Variants in MOB3B observed in about 807,000 individuals in gnomAD.
MOB3B encodes MOB kinase activator-like 2B.
A neutral mutation model predicts 18.7 loss-of-function variants in MOB3B; 7 were observed. The observed-to-expected ratio is 0.37, with a 90% CI of 0.21 to 0.70. MOB3B has a LOEUF of 0.70. Among genes scored for constraint, MOB3B ranks in the 30% least tolerant of loss-of-function variants. The pLI is 0.52. For synonymous variants in MOB3B, 111 were observed against 99.9 expected (o/e 1.11, Z -0.66); for missense variants, 253 against 281.3 (o/e 0.90, Z 0.72).
chr9:27,483,125 CTTTTTTTTTTTTT>C (rs71492747), intron 1 of MOB3B, among the ~76,000 whole-genome samples: 1 of 68,544 alleles, frequency 1.5e-5, no homozygotes, highest in Non-Finnish European at 2.5e-5. Context: ...ATATACGGTA[CTTTTTTTTTTTTT>C]TTTTTTTTTT....
At position 27,417,332 on chromosome 9, in the gene MOB3B, C is replaced by G. The variant is rs189689340; in HGVS notation, c.418+37801G>C. 1.8e-3 allele frequency among the ~76,000 whole-genome samples: 274 copies of G among 152,290 alleles called. 1 individual carries two copies. Among genetic ancestry groups the G allele is most frequent in the African/African-American group, 6.3e-3 (262 of 41,558 alleles). On this transcript the variant is annotated intron_variant, in intron 2 of 3. Coordinates refer to ENST00000262244, the MANE Select transcript of MOB3B (RefSeq NM_024761.5). The stretch of plus-strand genomic sequence containing the variant: ...TGAGCCGAGATTGCGTCACTGTACT[C>G]CAGCTTGGGCGACAGAGCGAGACTC...
At chr9:27,355,629 G>A (rs1821179079) in intron 3 of MOB3B, among the ~76,000 whole-genome samples, 2 of 148,340 alleles carry the variant, frequency 1.3e-5, no homozygotes, top group African/African-American at 5.0e-5. Flanking sequence ...GCGTGATCTC[G>A]GCTCACTGCA....
Position 27,413,822 on chromosome 9 carries a change from G to C in MOB3B, c.418+41311C>G, listed in dbSNP as rs542440293. Among the ~76,000 whole-genome samples the C allele has an allele frequency of 6.6e-5, 10 of 152,336 alleles. No homozygotes were observed. The South Asian group carries it at 2.1e-3, about 32-fold the overall frequency. On this transcript the variant is annotated intron_variant, in intron 2 of 3. Transcript: ENST00000262244. The stretch of plus-strand genomic sequence containing the variant: ...AATCTCAGCACAACTGTGAGCCAGA[G>C]ACCTCTGCAAGAGAAGCAGATTTGG...
chr9:27,402,470 C>G (rs1430815913), intron 2 of MOB3B, among the ~76,000 whole-genome samples: 1 of 152,142 alleles, frequency 6.6e-6, no homozygotes, highest in Non-Finnish European at 1.5e-5. Flanking sequence ...CTGCCTACAT[C>G]TGGGGACAAT....
At chr9:27,378,486 A>G in intron 2 of MOB3B, 1 of 471,192 alleles carries the variant, frequency 2.1e-6, no homozygotes, top group Non-Finnish European at 4.4e-6. Context: ...CTCCTGGCGC[A>G]AGGGCAAAAG....
At chr9:27,363,538 G>A (rs1821304177) in intron 2 of MOB3B, among the ~76,000 whole-genome samples, 1 of 151,756 alleles carries the variant, frequency 6.6e-6, no homozygotes, top group African/African-American at 2.4e-5. Context: ...AAAGTGCTGG[G>A]ATTATAGGCG....
chr9:27,520,007 C>T (rs1435449909), intron 1 of MOB3B, among the ~76,000 whole-genome samples: 1 of 152,032 alleles, frequency 6.6e-6, no homozygotes, highest in African/African-American at 2.4e-5. Context: ...TTCCTGGGCT[C>T]TCTACTGGGC....
At chr9:27,378,866 C>T (rs1325835242) in intron 2 of MOB3B, 1 of 376,848 alleles carries the variant, frequency 2.7e-6, no homozygotes, top group African/African-American at 2.1e-5. Flanking sequence ...TTGCAAACCA[C>T]TTATCCAGGG....
At chr9:27,516,534 G>A (rs1200857827) in intron 1 of MOB3B, among the ~76,000 whole-genome samples, 1 of 152,216 alleles carries the variant, frequency 6.6e-6, no homozygotes, top group East Asian at 1.9e-4. Context: ...GAGCTTAACT[G>A]AGAATAGCTG....
chr9:27,500,074 G>C (rs1203911167), intron 1 of MOB3B, among the ~76,000 whole-genome samples: 1 of 152,038 alleles, frequency 6.6e-6, no homozygotes, highest in Admixed American at 6.6e-5. Context: ...CTAGACCTCA[G>C]AACTATCAAT....
At chr9:27,482,323 ATG>A (rs1270580807) in intron 1 of MOB3B, among the ~76,000 whole-genome samples, 11 of 138,240 alleles carry the variant, frequency 8.0e-5, no homozygotes, top group African/African-American at 2.6e-4. Context: ...GATGGTCTGG[ATG>A]TTTGTTCCAC....
intron 2 of MOB3B, among the ~76,000 whole-genome samples, chr9:27,389,659 A>C (rs1458300178): frequency 2.0e-5 from 3 of 152,168 alleles, no homozygotes. Context: ...TCACTAGTCC[A>C]TTAGCTCCCT....
In MOB3B at chr9:27,393,234, C is replaced by T. The variant is rs567251117; in HGVS notation, c.419-33998G>A. On this transcript the variant is annotated intron_variant, in intron 2 of 3. Transcript: ENST00000262244. ...TAGGTCAGTTCTGCTTTTTCTGTTA[C>T]GCCTATTTATGAAGAAGTTATTTCC... Among the ~76,000 whole-genome samples, 24 of 152,238 alleles carry T rather than the reference C, an allele frequency of 1.6e-4. No individual in the cohort carries two copies. The South Asian group carries it at 2.3e-3, about 14-fold the overall frequency.
chr9:27,338,431 G>A (rs748148654), intron 3 of MOB3B, among the ~76,000 whole-genome samples: 7 of 152,170 alleles, frequency 4.6e-5, no homozygotes, highest in Non-Finnish European at 1.0e-4. Context: ...CTAAGAATTT[G>A]CCCTGGCAGC....
At chr9:27,483,790 G>A (rs1177149854) in intron 1 of MOB3B, among the ~76,000 whole-genome samples, 1 of 152,166 alleles carries the variant, frequency 6.6e-6, no homozygotes, top group Admixed American at 6.5e-5. Flanking sequence ...TACAGCAGGA[G>A]GGTGCAAAGA....
intron 1 of MOB3B, among the ~76,000 whole-genome samples, chr9:27,469,140 C>CT (rs1298638133): frequency 3.3e-5 from 5 of 152,128 alleles, no homozygotes; most frequent in Middle Eastern, 3.4e-3. Context: ...GGGAATTTTT[C>CT]TTTTTTTGTA....
rs146607219 is a variant in MOB3B, at chr9:27,330,603, C to A, written c.635G>T (p.Ser212Ile). 1 of 1,613,926 alleles carries A rather than the reference C, an allele frequency of 6.2e-7. No homozygotes were observed. Among genetic ancestry groups the A allele is most frequent in the African/African-American group, 1.3e-5 (1 of 74,910 alleles). Residue 212 changes from serine (S) to isoleucine (I), a missense_variant, in exon 4 of 4, where the codon AGC (serine) becomes ATC (isoleucine). Transcript: ENST00000262244. ...KELEPLKEMT[S>I]RMCH ...GGTGGAGCATTAGTGACACATCCTGCTCGTCATTTCTTTCTGGAAAGCAAG... is the reference window on the plus strand; with the variant it reads ...GGTGGAGCATTAGTGACACATCCTGATCGTCATTTCTTTCTGGAAAGCAAG...
intron 1 of MOB3B, among the ~76,000 whole-genome samples, chr9:27,527,364 G>GTT: frequency 7.1e-6 from 1 of 141,170 alleles, no homozygotes; most frequent in East Asian, 2.1e-4. Context: ...CAAAGATGTT[G>GTT]CTTTTTTTTC....
In MOB3B at chr9:27,455,311, C is replaced by T. The variant is rs1822853455; in HGVS notation, c.240G>A (p.Glu80=). ...RINLIYGTIC[E]FCTERTCPVM... is the part of the protein sequence containing the mutation. ...CAGGACAGGTCCGCTCGGTGCAGAACTCACAGATGGTGCCATAGATGAGGT... is the reference window on the plus strand; with the variant it reads ...CAGGACAGGTCCGCTCGGTGCAGAATTCACAGATGGTGCCATAGATGAGGT... Residue 80 remains glutamate (E), a synonymous_variant, in exon 2 of 4, where the codon GAG becomes GAA. Transcript: ENST00000262244. 2.5e-6 allele frequency: 4 copies of T among 1,614,012 alleles called. No homozygotes were observed. The African/African-American group carries it at 4.0e-5, about 16-fold the overall frequency.
Sources: gnomAD v4.1 joint callset for allele counts (sites outside exome capture counted in the v4.1 genomes callset) on GRCh38, gnomAD v4.1.1 for gene constraint, MANE v1.5 for transcripts, NCBI Gene and HGNC (gene_info 2026-07-23, HGNC 2026-07-21) for gene names.